The following MYB variants were observed in gnomAD, a reference collection of about 807,000 sequenced individuals.
MYB encodes the protein MYB proto-oncogene, transcription factor, also known as transcriptional activator Myb.
A neutral mutation model predicts 92.9 loss-of-function variants in MYB; 28 were observed. The ratio of observed to expected loss-of-function variants is 0.30; its 90% CI spans 0.22 to 0.41. The LOEUF is 0.41. Among genes scored for constraint, MYB ranks in the 10% least tolerant of loss-of-function variants. The pLI, the probability that MYB is intolerant of heterozygous loss-of-function variation, is 1.00. For synonymous variants in MYB, 295 were observed against 329.1 expected, an observed-to-expected ratio of 0.90 and a Z score of 1.12; for missense variants, 679 against 929.3, an observed-to-expected ratio of 0.73 and a Z score of 3.50.
At chr6:135,213,737 C>G (rs1780053537) in intron 15 of MYB, among the ~76,000 whole-genome samples, 1 of 151,486 alleles carries the variant, frequency 6.6e-6, no homozygotes. Context: ...CAAAAATTAG[C>G]CAGGTGTAGT....
Position 135,201,698 on chromosome 6 carries a change from C to A in MYB, c.2010C>A (p.Asp670Glu). The A allele has an allele frequency of 6.3e-7, 1 of 1,588,964 alleles. No homozygotes were observed. Among genetic ancestry groups the A allele is most frequent in the Non-Finnish European group, 8.6e-7 (1 of 1,164,768 alleles). Reference sequence around the variant, plus strand: ...TCTGCTCACACCACTGGGAAGGGGACAGTCTGAATACCCAACTGTTCACGC... The same window carrying A: ...TCTGCTCACACCACTGGGAAGGGGAAAGTCTGAATACCCAACTGTTCACGC... ...NFFCSHHWEG[D>E]SLNTQLFTQT... The change falls in exon 14 of 16, where the codon GAC becomes GAA. Residue 670 changes from aspartate to glutamate, a missense_variant. Physicochemically the swap from Asp to Glu is conservative, Grantham distance 45 (BLOSUM62 2). Coordinates refer to ENST00000341911, the MANE Select transcript of MYB (RefSeq NM_001130173.2).
At chr6:135,201,092 T>A (rs890165348) in intron 13 of MYB, among the ~76,000 whole-genome samples, 6 of 152,060 alleles carry the variant, frequency 3.9e-5, no homozygotes, top group Admixed American at 1.3e-4. Flanking sequence ...AAATAAAAAT[T>A]AAAATTAAAA....
intron 15 of MYB, among the ~76,000 whole-genome samples, chr6:135,211,207 G>C (rs978527432): frequency 6.7e-6 from 1 of 148,572 alleles, no homozygotes; most frequent in African/African-American, 2.5e-5. Context: ...GTGCTGACCC[G>C]CTCCCCTGGA....
intron 11 of MYB, 102 bp from the exon 12 acceptor site, chr6:135,199,983 G>A: frequency 2.2e-6 from 2 of 898,602 alleles, no homozygotes. Context: ...ATCCGGAACA[G>A]AGTTTATTGT....
At chr6:135,206,173 T>C (rs964355362) in intron 15 of MYB, among the ~76,000 whole-genome samples, 1 of 128,598 alleles carries the variant, frequency 7.8e-6, no homozygotes, top group African/African-American at 3.0e-5. Flanking sequence ...GCCACTACAC[T>C]CCGGCCTGGG....
intron 15 of MYB, among the ~76,000 whole-genome samples, chr6:135,211,564 T>C (rs897178214): frequency 6.6e-6 from 1 of 152,206 alleles, no homozygotes; most frequent in African/African-American, 2.4e-5. Context: ...GCACTTGGTC[T>C]TAATCTTAAT....
At chr6:135,209,380 C>T (rs571261962) in intron 15 of MYB, among the ~76,000 whole-genome samples, 1 of 152,272 alleles carries the variant, frequency 6.6e-6, no homozygotes, top group South Asian at 2.1e-4. Context: ...ATTACAGGCA[C>T]CCACCACCAC....
intron 1 of MYB, among the ~76,000 whole-genome samples, chr6:135,183,140 G>A (rs1455852164): frequency 6.6e-6 from 1 of 151,150 alleles, no homozygotes; most frequent in Non-Finnish European, 1.5e-5. Context: ...GCGGGGCCGC[G>A]CAGGTTCCCT....
intron 15 of MYB, among the ~76,000 whole-genome samples, chr6:135,207,874 A>G (rs1364815720): frequency 1.3e-5 from 2 of 150,874 alleles, no homozygotes; most frequent in Admixed American, 6.6e-5. Context: ...AGCTGGGACT[A>G]CAGATATCTG....
In MYB at chr6:135,218,605, T is replaced by A. The variant is rs1341880318; in HGVS notation, c.*625T>A. 5.4e-6 allele frequency: 1 copy of A among 184,768 alleles called. No individual in the cohort carries two copies. The highest frequency in any genetic ancestry group is 6.2e-5 in the Admixed American group (1 of 16,064). The allele number at this position is 184,768 out of a possible 1,614,324, so 11.4% of individuals were successfully genotyped here. A position where few individuals can be genotyped will look rare whatever the true frequency, so the allele number is the denominator to read the frequency against. ...TTATATTTTTATTCAGTAATTTAATTTTGTAAATGCCAAATGAAAAACGTT... is the reference window on the plus strand; with the variant it reads ...TTATATTTTTATTCAGTAATTTAATATTGTAAATGCCAAATGAAAAACGTT... On this transcript the variant is annotated 3_prime_UTR_variant, in exon 16 of 16. Coordinates refer to ENST00000341911, the MANE Select transcript of MYB (RefSeq NM_001130173.2).
Position 135,193,839 on chromosome 6 carries a change from T to TCTC in MYB, c.766_768dup (p.Ser257dup). 6.2e-7 allele frequency: 1 copy of TCTC among 1,609,526 alleles called. No individual in the cohort carries two copies. Among genetic ancestry groups the TCTC allele is most frequent in the South Asian group, 1.1e-5 (1 of 90,920 alleles). ...CTTTGTTTTGTCTTTTGCATCTAGG[T>TCTC]CTCCAGTCATGTTCCATACCCTGTA... On this transcript the variant is annotated inframe_insertion and splice_region_variant, in exon 7 of 16. Transcript: ENST00000341911.
At chr6:135,213,702 C>T (rs1434991067) in intron 15 of MYB, among the ~76,000 whole-genome samples, 2 of 151,996 alleles carry the variant, frequency 1.3e-5, no homozygotes. Context: ...TGCAACACAG[C>T]GAGACCCTGT....
Position 135,181,618 on chromosome 6 carries a change from A to AT in MYB, c.23+84dup. The AT allele has an allele frequency of 1.0e-6, 1 of 986,630 alleles. No homozygotes were observed. 61.1% of individuals were successfully genotyped at this position (986,630 alleles called of 1,614,324 possible). A position where few individuals can be genotyped will look rare whatever the true frequency, so the allele number is the denominator to read the frequency against. ...GCCAGGCTCCCGGGAGCAGGTGGGAATTCGTTCCGGGATCATCTGAGGGGC... is the reference window on the plus strand; with the variant it reads ...GCCAGGCTCCCGGGAGCAGGTGGGAATTTCGTTCCGGGATCATCTGAGGGGC... On this transcript the variant is annotated intron_variant, in intron 1 of 15. Coordinates refer to ENST00000341911, the MANE Select transcript of MYB (RefSeq NM_001130173.2). The surrounding 1 kb of genome is among the most constrained non-coding windows in gnomAD (Gnocchi z 5.3).
intron 10 of MYB, among the ~76,000 whole-genome samples, chr6:135,198,596 T>C (rs1777646898): frequency 6.6e-6 from 1 of 152,246 alleles, no homozygotes; most frequent in South Asian, 2.1e-4. Flanking sequence ...ACTAAAGCCT[T>C]TTAAATGTTA....
chr6:135,194,253 T>G (rs893816201), intron 7 of MYB, 103 bp from the exon 8 acceptor site: 3 of 834,312 alleles, frequency 3.6e-6, no homozygotes, highest in Admixed American at 5.2e-5. Flanking sequence ...ACAGTGAGGC[T>G]CTTTGGGCTG....
rs1002415552 is a variant in MYB at position 135,181,752 on chromosome 6, A to C, written c.23+216A>C. 2.0e-5 allele frequency among the ~76,000 whole-genome samples: 3 copies of C among 152,238 alleles called. No homozygotes were observed. Among genetic ancestry groups the C allele is most frequent in the Non-Finnish European group, 4.4e-5 (3 of 68,038 alleles). ...GAAATGTATCCGGACGTTGGGAAGC[A>C]CGCCCTGCGGCTCATTTTGCAAGTT... On this transcript the variant is annotated intron_variant, in intron 1 of 15. Transcript: ENST00000341911. This position sits in a 1 kb window ranked among gnomAD's most constrained non-coding sequence, Gnocchi z 5.3.
chr6:135,198,065 A>G (rs1031003766), intron 10 of MYB, among the ~76,000 whole-genome samples: 6 of 152,340 alleles, frequency 3.9e-5, no homozygotes, highest in Admixed American at 3.9e-4. Flanking sequence ...TTCCAATTGT[A>G]TCTGTTGAAT....
chr6:135,203,013 G>A (rs762500076), intron 14 of MYB: 6 of 702,350 alleles, frequency 8.5e-6, no homozygotes, highest in Non-Finnish European at 1.6e-5. Context: ...GTGTTGTGGT[G>A]ATGTTTGCCA....
At chr6:135,191,929 G>A (rs1776683205) in intron 5 of MYB, among the ~76,000 whole-genome samples, 1 of 152,176 alleles carries the variant, frequency 6.6e-6, no homozygotes, top group African/African-American at 2.4e-5. Flanking sequence ...CCCTCTCGTG[G>A]TGTGTAGGCC....
Sources: allele counts gnomAD v4.1 joint callset (sites outside exome capture counted in the v4.1 genomes callset), GRCh38; gene constraint gnomAD v4.1.1; non-coding constraint Gnocchi (gnomAD v3.1); transcripts MANE v1.5; gene names NCBI Gene and HGNC (gene_info 2026-07-23, HGNC 2026-07-21).